The following DNMT3A variants were observed in gnomAD, a reference collection of about 807,000 sequenced individuals.
DNMT3A encodes DNA (cytosine-5)-methyltransferase 3A.
In DNMT3A, 267 loss-of-function variants were observed where a neutral mutation model predicts 117.6. The ratio of observed to expected loss-of-function variants is 2.27; its 90% confidence interval spans 2.05 to 2.51. The LOEUF (loss-of-function observed/expected upper bound fraction) is 2.51. Among genes scored for constraint, DNMT3A ranks in the 30% most tolerant of loss-of-function variants. The pLI is 0.00. For missense variants in DNMT3A, 1,029 were observed against 1,260.2 expected, an observed-to-expected ratio of 0.82 and a Z score of 2.78; for synonymous variants, 432 against 474.8, an observed-to-expected ratio of 0.91 and a Z score of 1.17.
intron 6 of DNMT3A, among the ~76,000 whole-genome samples, chr2:25,265,320 A>C (rs2030221989): frequency 6.6e-6 from 1 of 152,176 alleles, no homozygotes; most frequent in African/African-American, 2.4e-5. Flanking sequence ...TCTCTTCTAA[A>C]TGCATTCTTC....
Position 25,234,018 on chromosome 2 carries a change from G to C in DNMT3A, c.*261C>G, listed in dbSNP as rs983473873. On this transcript the variant is annotated 3_prime_UTR_variant, in exon 23 of 23. Transcript: ENST00000321117. This position sits in a 1 kb window ranked among gnomAD's most constrained non-coding sequence, Gnocchi z 4.5. ...TCTGACCGAAAAAAAAGGGAAGGGGGAGGAAGGGAAGGGAGCTTGGTTTTG... is the reference window on the plus strand; with the variant it reads ...TCTGACCGAAAAAAAAGGGAAGGGGCAGGAAGGGAAGGGAGCTTGGTTTTG... 2.9e-6 allele frequency: 1 copy of C among 346,032 alleles called. No individual in the cohort carries two copies. Among genetic ancestry groups the C allele is most frequent in the East Asian group, 4.5e-5 (1 of 22,096 alleles). 21.4% of individuals were successfully genotyped at this position (346,032 alleles called of 1,614,324 possible).
Position 25,275,526 on chromosome 2 carries a change from TCTC to T in DNMT3A, c.463_465del (p.Glu155del). ...TCCATTTTCATGGATTCGATGTTGG[TCTC>T]CTTCTGTTCTTTGCCTGTGGAGAGG... On this transcript the variant is annotated inframe_deletion, in exon 5 of 23. Coordinates refer to ENST00000321117, the MANE Select transcript of DNMT3A (RefSeq NM_022552.5). The T allele has an allele frequency of 6.3e-7, 1 of 1,585,592 alleles. No individual in the cohort carries two copies. The highest frequency in any genetic ancestry group is 8.5e-7 in the Non-Finnish European group (1 of 1,170,770).
intron 1 of DNMT3A, among the ~76,000 whole-genome samples, chr2:25,319,747 G>A (rs773481220): frequency 5.3e-5 from 8 of 151,932 alleles, no homozygotes; most frequent in Non-Finnish European, 1.0e-4. Flanking sequence ...CTAAACCCAG[G>A]AACTGAATAG....
At chr2:25,315,544 GGTGGACGGCAGCGGAGA>G (rs2034339482) in intron 1 of DNMT3A, among the ~76,000 whole-genome samples, 1 of 152,170 alleles carries the variant, frequency 6.6e-6, no homozygotes, top group Non-Finnish European at 1.5e-5. Context: ...GTCCCGAGAG[GGTGGACGGCAGCGGAGA>G]GCAGCTCCAT....
At chr2:25,285,078 A>G (rs953863638) in intron 3 of DNMT3A, among the ~76,000 whole-genome samples, 1 of 152,176 alleles carries the variant, frequency 6.6e-6, no homozygotes, top group Admixed American at 6.5e-5. Context: ...AGCTCTGTAC[A>G]GCTGCGTGTT....
chr2:25,246,398 C>T (rs1674776007), intron 10 of DNMT3A, 89 bp from the exon 11 acceptor site: 2 of 1,498,998 alleles, frequency 1.3e-6, no homozygotes. Context: ...TGGGGTGCGG[C>T]CTGGTCTCCA....
At position 25,236,807 on chromosome 2, in the gene DNMT3A, C is replaced by G. The variant is rs545380036; in HGVS notation, c.2478+129G>C. 2.0e-6 allele frequency: 2 copies of G among 987,540 alleles called. No homozygotes were observed. The highest frequency in any genetic ancestry group is 3.0e-6 in the Non-Finnish European group (2 of 677,574). The allele number at this position is 987,540 out of a possible 1,614,324, so 61.2% of individuals were successfully genotyped here. A position where few individuals can be genotyped will look rare whatever the true frequency, so the allele number is the denominator to read the frequency against. On this transcript the variant is annotated intron_variant, in intron 21 of 22. Coordinates refer to ENST00000321117, the MANE Select transcript of DNMT3A (RefSeq NM_022552.5). The surrounding 1 kb of genome is among the most constrained non-coding windows in gnomAD (Gnocchi z 4.5). ...GCTGCCCTGCTGCATGACCCTGCAC[C>G]GTCTCCTAAATTGCATTCTCCACAC...
chr2:25,335,920 C>T (rs543827204), intron 1 of DNMT3A, among the ~76,000 whole-genome samples: 1 of 151,792 alleles, frequency 6.6e-6, no homozygotes, highest in African/African-American at 2.4e-5. Flanking sequence ...GAGAGGACCA[C>T]AGTAGGACAG....
chr2:25,259,941 G>A (rs1368069982), intron 6 of DNMT3A, among the ~76,000 whole-genome samples: 2 of 152,108 alleles, frequency 1.3e-5, no homozygotes, highest in Non-Finnish European at 2.9e-5. Flanking sequence ...AGTCCTTTCC[G>A]GTCTTTCCCC....
chr2:25,333,393 G>A (rs370825082), intron 1 of DNMT3A, among the ~76,000 whole-genome samples: 250 of 151,652 alleles, frequency 1.6e-3, no homozygotes, highest in African/African-American at 6.0e-3. Context: ...GCAGTGGCGC[G>A]ATCTCGGCTC....
intron 20 of DNMT3A, 48 bp downstream of exon 20, chr2:25,239,082 C>T: frequency 6.3e-7 from 1 of 1,575,460 alleles, no homozygotes; most frequent in African/African-American, 1.3e-5. Context: ...GGTCATCCCA[C>T]CTGCAGTCCC....
intron 6 of DNMT3A, among the ~76,000 whole-genome samples, chr2:25,264,740 G>A (rs1188339687): frequency 1.3e-5 from 2 of 152,164 alleles, no homozygotes; most frequent in Non-Finnish European, 2.9e-5. Context: ...GGGATTACAG[G>A]CGTGAGCCAC....
intron 6 of DNMT3A, among the ~76,000 whole-genome samples, chr2:25,266,110 G>A (rs557230893): frequency 6.6e-6 from 1 of 152,294 alleles, no homozygotes; most frequent in African/African-American, 2.4e-5. Context: ...CTACTTAAAG[G>A]ACAATGGGGA....
At chr2:25,323,078 T>A (rs375683248) in intron 1 of DNMT3A, among the ~76,000 whole-genome samples, 1 of 152,106 alleles carries the variant, frequency 6.6e-6, no homozygotes, top group African/African-American at 2.4e-5. Context: ...GTGCCTGTGC[T>A]GACCTCAACC....
chr2:25,273,738 C>T (rs1332842851), intron 6 of DNMT3A, among the ~76,000 whole-genome samples: 1 of 152,204 alleles, frequency 6.6e-6, no homozygotes, highest in Non-Finnish European at 1.5e-5. Flanking sequence ...ACAGAAGCTT[C>T]TCTATAAAGT....
chr2:25,317,660 A>G (rs1255933377), intron 1 of DNMT3A, among the ~76,000 whole-genome samples: 1 of 152,250 alleles, frequency 6.6e-6, no homozygotes, highest in African/African-American at 2.4e-5. Context: ...GGCATAAAAT[A>G]GGGGGTCTTT....
intron 2 of DNMT3A, among the ~76,000 whole-genome samples, 186 bp from the exon 3 acceptor site, chr2:25,300,429 C>A: frequency 6.6e-6 from 1 of 150,852 alleles, no homozygotes; most frequent in Non-Finnish European, 1.5e-5. Context: ...GCTTGAGGCA[C>A]CCCTCAGAGC....
intron 3 of DNMT3A, among the ~76,000 whole-genome samples, chr2:25,290,725 T>C (rs377661921): frequency 1.4e-5 from 2 of 147,766 alleles, no homozygotes; most frequent in Admixed American, 1.4e-4. Flanking sequence ...GATGAGGCCC[T>C]GGCACCTGGG....
chr2:25,326,727 C>G (rs1384261740), intron 1 of DNMT3A, among the ~76,000 whole-genome samples: 1 of 152,216 alleles, frequency 6.6e-6, no homozygotes, highest in Non-Finnish European at 1.5e-5. Context: ...CTTCCCAGCA[C>G]CCAGCTCCTG....
Sources: gnomAD v4.1 joint callset for allele counts (sites outside exome capture counted in the v4.1 genomes callset) on GRCh38, gnomAD v4.1.1 for gene constraint, Gnocchi (gnomAD v3.1) non-coding constraint, MANE v1.5 for transcripts, NCBI Gene and HGNC (gene_info 2026-07-23, HGNC 2026-07-21) for gene names.